Variants in LIN54 observed in about 807,000 individuals in gnomAD.
LIN54 encodes the protein protein lin-54 homolog.
Under a neutral mutation model 78.7 loss-of-function variants are expected in LIN54, and 9 were observed. The ratio of observed to expected loss-of-function variants is 0.11; its 90% CI spans 0.07 to 0.20. LIN54 has a LOEUF of 0.20. LIN54 is among the 10% of genes least tolerant of loss of function. LIN54 has a pLI of 1.00. For synonymous variants in LIN54, 269 were observed against 318.4 expected (o/e 0.84, Z 1.65); for missense variants, 573 against 889.9 (o/e 0.64, Z 4.53).
At chr4:82,980,796 C>T (rs1019295466) in intron 2 of LIN54, among the ~76,000 whole-genome samples, 1 of 151,916 alleles carries the variant, frequency 6.6e-6, no homozygotes, top group African/African-American at 2.4e-5. Context: ...TCTTAGAAAG[C>T]CATATTAGCA....
rs534200908 is a variant in LIN54 at position 82,992,192 on chromosome 4, T to C, written c.-32-7316A>G. On this transcript the variant is annotated intron_variant, in intron 1 of 12. Coordinates refer to ENST00000340417, the MANE Select transcript of LIN54 (RefSeq NM_194282.4). ...GAGTAACCTGGGATATTTGATAGTT[T>C]GTGTCTTTGAAGGAATTTGCCTATT... is the stretch of plus-strand genomic sequence containing the variant. 3.9e-5 allele frequency among the ~76,000 whole-genome samples: 6 copies of C among 152,342 alleles called. No individual in the cohort carries two copies. The East Asian group carries it at 1.2e-3, about 29-fold the overall frequency.
At chr4:82,988,909 C>T (rs1455799947) in intron 1 of LIN54, among the ~76,000 whole-genome samples, 3 of 151,940 alleles carry the variant, frequency 2.0e-5, no homozygotes, top group Non-Finnish European at 4.4e-5. Context: ...CTGGGTTTGG[C>T]CGGGCGCGGT....
At position 82,979,939 on chromosome 4, in the gene LIN54, C is replaced by CAAAAAAAAAAAAAAAAAA. The variant is rs70943176; in HGVS notation, c.685-951_685-934dup. 1.4e-4 allele frequency among the ~76,000 whole-genome samples: 7 copies of CAAAAAAAAAAAAAAAAAA among 49,852 alleles called. 1 individual carries two copies. Among genetic ancestry groups the CAAAAAAAAAAAAAAAAAA allele is most frequent in the Admixed American group, 9.6e-4 (3 of 3,112 alleles). 32.7% of individuals were successfully genotyped at this position (49,852 alleles called of 152,430 possible). On this transcript the variant is annotated intron_variant, in intron 2 of 12. Coordinates refer to ENST00000340417, the MANE Select transcript of LIN54 (RefSeq NM_194282.4). Reference sequence around the variant, plus strand: ...TGACAGAGTGAGTGAGACTCTGTCTCAAAAAAAAAAAAAAAAAAAAAAAAA... The same window carrying CAAAAAAAAAAAAAAAAAA: ...TGACAGAGTGAGTGAGACTCTGTCTCAAAAAAAAAAAAAAAAAAAAAAAAAAAAAAAAAAAAAAAAAAA...
At chr4:83,012,057 T>G (rs968689923), upstream of LIN54, 3 of 985,142 alleles carry the variant, frequency 3.0e-6, no homozygotes, top group South Asian at 4.7e-5. Flanking sequence ...GTCGGTAGAT[T>G]CAGCCTTCAA....
At position 82,946,404 on chromosome 4, in the gene LIN54, G is replaced by A. The variant is rs1164743837; in HGVS notation, c.1022C>T (p.Pro341Leu). 1.2e-6 allele frequency: 2 copies of A among 1,614,076 alleles called. No homozygotes were observed. Among genetic ancestry groups the A allele is most frequent in the South Asian group, 1.1e-5 (1 of 91,084 alleles). ...CTGGACATTGGGAGCAGTTGCCAGA[G>A]GAATAATTGTCTTAAACTGTGATGT... Reference protein sequence around the residue: ...VSTSQFKTIIPLATAPNVQQI... With the variant: ...VSTSQFKTIILLATAPNVQQI... The change falls in exon 5 of 13, where the codon CCT becomes CTT. Residue 341 changes from proline (P) to leucine (L), a missense_variant. Coordinates refer to ENST00000340417, the MANE Select transcript of LIN54 (RefSeq NM_194282.4).
chr4:82,951,477 G>T (rs72925233), intron 4 of LIN54, among the ~76,000 whole-genome samples: 2,444 of 152,192 alleles, frequency 0.016, 71 homozygotes, highest in African/African-American at 0.055. Context: ...AAGGTATCAG[G>T]ACCAGAAACC....
At chr4:82,994,078 A>T (rs912159071) in intron 1 of LIN54, among the ~76,000 whole-genome samples, 1 of 152,092 alleles carries the variant, frequency 6.6e-6, no homozygotes, top group Admixed American at 6.6e-5. Context: ...TTTTACAGTA[A>T]GCCTTTAATA....
At chr4:82,991,256 T>C (rs1265220295) in intron 1 of LIN54, among the ~76,000 whole-genome samples, 3 of 152,132 alleles carry the variant, frequency 2.0e-5, no homozygotes, top group Non-Finnish European at 4.4e-5. Flanking sequence ...ATAGGTCTTA[T>C]ACATATTTTG....
chr4:82,970,279 A>G (rs1354316948), intron 4 of LIN54, 48 bp downstream of exon 4: 2 of 1,559,170 alleles, frequency 1.3e-6, no homozygotes, highest in African/African-American at 2.7e-5. Context: ...AAGAAAATAA[A>G]GGCATCAACC....
At chr4:82,980,373 A>G (rs1210063416) in intron 2 of LIN54, among the ~76,000 whole-genome samples, 1 of 152,170 alleles carries the variant, frequency 6.6e-6, no homozygotes, top group Non-Finnish European at 1.5e-5. Flanking sequence ...GACTCAAATG[A>G]AAAAATATGA....
In LIN54 at chr4:82,939,734, A is replaced by T; in HGVS notation, c.1245T>A (p.Val415=). The change falls in exon 7 of 13, where the codon GTT becomes GTA. Residue 415 remains valine (V), a splice_region_variant and synonymous_variant. Transcript: ENST00000340417. ...AAGTTGGATTGATTGGTTTTGGAAC[A>T]ACCTAAAAAGAAGGGACATATATCA... The part of the protein sequence containing the change: ...PIVSAQAVKQ[V]VPKPINPTSQ... 1 of 1,614,136 alleles carries T rather than the reference A, an allele frequency of 6.2e-7. No homozygotes were observed. Among genetic ancestry groups the T allele is most frequent in the Non-Finnish European group, 8.5e-7 (1 of 1,179,950 alleles).
intron 4 of LIN54, among the ~76,000 whole-genome samples, chr4:82,954,704 C>A (rs1242060433): frequency 1.3e-5 from 2 of 152,136 alleles, no homozygotes; most frequent in Non-Finnish European, 2.9e-5. Context: ...AACATAAAAA[C>A]AGACCACACC....
chr4:82,978,338 T>C (rs1267502400), intron 3 of LIN54, among the ~76,000 whole-genome samples: 1 of 152,230 alleles, frequency 6.6e-6, no homozygotes, highest in Non-Finnish European at 1.5e-5. Flanking sequence ...GAGAACTCCA[T>C]ATAGAGTATA....
upstream of LIN54, among the ~76,000 whole-genome samples, chr4:83,011,603 C>A (rs1184668621): frequency 3.4e-5 from 5 of 146,842 alleles, no homozygotes; most frequent in African/African-American, 1.0e-4. Flanking sequence ...TAAAAAAAAA[C>A]CATCTGCTGC....
chr4:82,994,118 G>A (rs900208518), intron 1 of LIN54, among the ~76,000 whole-genome samples: 5 of 152,122 alleles, frequency 3.3e-5, no homozygotes, highest in South Asian at 2.1e-4. Context: ...CTCTTTAGAT[G>A]TATTCCATTA....
chr4:83,002,379 A>G (rs1728923446), intron 1 of LIN54, among the ~76,000 whole-genome samples: 1 of 145,290 alleles, frequency 6.9e-6, no homozygotes, highest in African/African-American at 2.5e-5. Flanking sequence ...AAAAAAAAGC[A>G]AGGGTGAGGG....
rs147145220 is a variant in LIN54 at position 82,986,370 on chromosome 4, G to T, written c.-32-1494C>A. 6.7e-3 allele frequency among the ~76,000 whole-genome samples: 1,016 copies of T among 152,194 alleles called. 14 individuals are homozygous for T. The highest frequency in any genetic ancestry group is 0.022 in the African/African-American group (934 of 41,526). ...AACCTCAGGTGATCTGCCCACGCTG[G>T]CCTCCCAAAGTGCTGGGATTATAGG... On this transcript the variant is annotated intron_variant, in intron 1 of 12. Coordinates refer to ENST00000340417, the MANE Select transcript of LIN54 (RefSeq NM_194282.4).
intron 11 of LIN54, among the ~76,000 whole-genome samples, chr4:82,932,750 G>A (rs944632059): frequency 1.3e-5 from 2 of 151,844 alleles, no homozygotes; most frequent in African/African-American, 2.4e-5. Context: ...GCTTGAACCC[G>A]GGAGGCGGAG....
intron 1 of LIN54, among the ~76,000 whole-genome samples, chr4:82,991,633 A>AT (rs1727718930): frequency 6.6e-6 from 1 of 152,064 alleles, no homozygotes; most frequent in Admixed American, 6.6e-5. Context: ...GTTTCCATAG[A>AT]TTTTCTTTAC....
Sources: allele counts gnomAD v4.1 joint callset (sites outside exome capture counted in the v4.1 genomes callset), GRCh38; gene constraint gnomAD v4.1.1; transcripts MANE v1.5; gene names NCBI Gene and HGNC (gene_info 2026-07-23, HGNC 2026-07-21).